The following SULT1E1 variants were observed in gnomAD, a reference collection of about 807,000 sequenced individuals.
SULT1E1 encodes the protein sulfotransferase 1E1.
Under a neutral mutation model 33.6 loss-of-function variants are expected in SULT1E1, and 36 were observed. That is an observed-to-expected ratio of 1.07 (90% confidence interval 0.82 to 1.41). SULT1E1 has a LOEUF of 1.41. Ranked by LOEUF, SULT1E1 falls within the 40% of genes most tolerant of loss-of-function variation. The probability of loss-of-function intolerance (pLI) is 0.00; values close to 1 mark genes in which losing one functional copy is unlikely to be tolerated. For missense variants in SULT1E1, 371 were observed against 345.7 expected (o/e 1.07, Z -0.58); for synonymous variants, 121 against 111.7 (o/e 1.08, Z -0.53).
In SULT1E1 at chr4:69,844,246, T is replaced by C. The variant is rs751664721; in HGVS notation, c.687A>G (p.Gln229=). 6.2e-7 allele frequency: 1 copy of C among 1,613,960 alleles called. No homozygotes were observed. ...VDRIIHHTSF[Q]EMKNNPSTNY... ...TTGTGGATGGATTGTTCTTCATCTC[T>C]TGGAACGAAGTATGATGTATAATCC... The change falls in exon 7 of 8, where the codon CAA becomes CAG. Residue 229 remains glutamine, a synonymous_variant. Transcript: ENST00000226444.
In SULT1E1 at chr4:69,844,126, T is replaced by G. The variant is rs758450503; in HGVS notation, c.772+35A>C. 4.4e-6 allele frequency: 7 copies of G among 1,606,224 alleles called. No homozygotes were observed. In the African/African-American group the frequency reaches 9.3e-5, roughly 21 times the overall value. ...CCTATAACCATGTCACCTTGTGACT[T>G]CCTCTAGTATCGAGGCAAACCACAT... On this transcript the variant is annotated intron_variant, in intron 7 of 7. Coordinates refer to ENST00000226444, the MANE Select transcript of SULT1E1 (RefSeq NM_005420.3).
intron 1 of SULT1E1, 75 bp from the exon 2 acceptor site, chr4:69,857,728 G>A: frequency 3.6e-6 from 5 of 1,373,742 alleles, no homozygotes; most frequent in Non-Finnish European, 4.9e-6. Context: ...GTATATAACG[G>A]GACCCTCCTA....
chr4:69,841,920 C>A lies in SULT1E1; in HGVS notation c.*74G>T. On this transcript the variant is annotated 3_prime_UTR_variant, in exon 8 of 8. Transcript: ENST00000226444. ...CCATGATTATGTCTTTTCTAGCAAT[C>A]TAAAATAAGAAAAAGTGGAGAATAA... 1.3e-6 allele frequency: 1 copy of A among 793,820 alleles called. No homozygotes were observed. 49.2% of individuals were successfully genotyped at this position (793,820 alleles called of 1,614,324 possible).
At chr4:69,829,241 C>T in the SULT1E1 span, among the ~76,000 whole-genome samples, 1 of 152,286 alleles carries the variant, frequency 6.6e-6, no homozygotes, top group Admixed American at 6.5e-5. Context: ...TAGACAGCTT[C>T]CTCACTGACA....
chr4:69,834,506 C>G, the SULT1E1 span, among the ~76,000 whole-genome samples: 10 of 152,166 alleles, frequency 6.6e-5, no homozygotes, highest in Non-Finnish European at 1.5e-4. Flanking sequence ...GTGTTCATCT[C>G]AAGCTGCTGT....
intron 4 of SULT1E1, among the ~76,000 whole-genome samples, chr4:69,851,825 G>A (rs1352090889): frequency 6.6e-6 from 1 of 152,044 alleles, no homozygotes; most frequent in African/African-American, 2.4e-5. Flanking sequence ...TCCTTTGTAG[G>A]GACATGGATG....
At chr4:69,821,373 A>G in the SULT1E1 span, among the ~76,000 whole-genome samples, 2 of 152,186 alleles carry the variant, frequency 1.3e-5, no homozygotes, top group African/African-American at 4.8e-5. Context: ...TTTTCCATAC[A>G]CTATACCTTA....
chr4:69,823,561 G>A, the SULT1E1 span, among the ~76,000 whole-genome samples: 1 of 152,100 alleles, frequency 6.6e-6, no homozygotes, highest in Non-Finnish European at 1.5e-5. Context: ...GCCACCTACA[G>A]TGCATCACTG....
At chr4:69,856,646 T>C (rs940132366) in intron 2 of SULT1E1, among the ~76,000 whole-genome samples, 1 of 151,962 alleles carries the variant, frequency 6.6e-6, no homozygotes, top group African/African-American at 2.4e-5. Context: ...TCAAGATAAC[T>C]AAGGGCGGCC....
At chr4:69,847,647 T>G (rs755281485) in intron 6 of SULT1E1, 51 bp downstream of exon 6, 1 of 1,202,632 alleles carries the variant, frequency 8.3e-7, no homozygotes, top group Non-Finnish European at 1.2e-6. Flanking sequence ...TATTTTCAAA[T>G]GCTAACATCT....
At chr4:69,822,103 C>A in the SULT1E1 span, among the ~76,000 whole-genome samples, 1 of 152,158 alleles carries the variant, frequency 6.6e-6, no homozygotes, top group Admixed American at 6.6e-5. Flanking sequence ...TTATACATTA[C>A]TTTTTATTAA....
the SULT1E1 span, among the ~76,000 whole-genome samples, chr4:69,823,147 CA>C: frequency 1.3e-5 from 2 of 152,172 alleles, no homozygotes; most frequent in African/African-American, 4.8e-5. Flanking sequence ...GGGCCCCAAA[CA>C]AAGACAAGGT....
chr4:69,851,420 T>A (rs1474640510), intron 4 of SULT1E1, among the ~76,000 whole-genome samples: 1 of 152,072 alleles, frequency 6.6e-6, no homozygotes, highest in African/African-American at 2.4e-5. Flanking sequence ...AAAACCATAA[T>A]GAGATACCGT....
downstream of SULT1E1, among the ~76,000 whole-genome samples, chr4:69,840,935 A>G (rs887765708): frequency 1.1e-4 from 17 of 152,074 alleles, 1 homozygote; most frequent in Admixed American, 2.6e-4. Context: ...AGTCCCAGCT[A>G]CTTGGAAGGC....
chr4:69,859,780 G>A (rs1033597914), intron 1 of SULT1E1, among the ~76,000 whole-genome samples: 7 of 152,000 alleles, frequency 4.6e-5, no homozygotes, highest in Non-Finnish European at 8.8e-5. Flanking sequence ...AACACGTCCA[G>A]CATTCAGCAC....
chr4:69,836,075 A>T, the SULT1E1 span, among the ~76,000 whole-genome samples: 2 of 152,210 alleles, frequency 1.3e-5, no homozygotes, highest in African/African-American at 4.8e-5. Flanking sequence ...AAAATTACCC[A>T]ATATAGCTTA....
downstream of SULT1E1, among the ~76,000 whole-genome samples, chr4:69,840,855 G>T (rs965187950): frequency 1.3e-5 from 2 of 152,186 alleles, no homozygotes; most frequent in Non-Finnish European, 2.9e-5. Context: ...GACCATCCTG[G>T]CTAACACTGT....
the SULT1E1 span, among the ~76,000 whole-genome samples, chr4:69,822,774 A>G: frequency 6.6e-6 from 1 of 152,130 alleles, no homozygotes; most frequent in Non-Finnish European, 1.5e-5. Flanking sequence ...TGTGGAATCC[A>G]TTTCTGATTT....
At chr4:69,846,908 T>G (rs905874430) in intron 6 of SULT1E1, among the ~76,000 whole-genome samples, 10 of 151,804 alleles carry the variant, frequency 6.6e-5, no homozygotes, top group African/African-American at 2.4e-4. Context: ...CCATAAAAAA[T>G]TTGTGTATTG....
Sources: allele counts gnomAD v4.1 joint callset (sites outside exome capture counted in the v4.1 genomes callset), GRCh38; gene constraint gnomAD v4.1.1; transcripts MANE v1.5; gene names NCBI Gene and HGNC (gene_info 2026-07-23, HGNC 2026-07-21).